The following AKNA variants were observed in gnomAD, a reference collection of about 807,000 sequenced individuals.
AKNA encodes the protein AT-hook transcription factor, also known as microtubule organization protein AKNA.
A neutral mutation model predicts 138.8 loss-of-function variants in AKNA; 67 were observed. That is an observed-to-expected ratio of 0.48 (90% CI 0.40 to 0.59). The LOEUF is 0.59. AKNA is among the 20% of genes least tolerant of loss of function. The pLI, the probability that AKNA is intolerant of heterozygous loss-of-function variation, is 0.00. For synonymous variants in AKNA, 737 were observed against 754.4 expected (o/e 0.98, Z 0.38); for missense variants, 1,813 against 1,880.4 (o/e 0.96, Z 0.66).
At chr9:114,394,979 C>T (rs1315001148), upstream of AKNA, among the ~76,000 whole-genome samples, 1 of 152,118 alleles carries the variant, frequency 6.6e-6, no homozygotes, top group Non-Finnish European at 1.5e-5. Flanking sequence ...AGAATGCTGG[C>T]AAGGACCTAG....
At chr9:114,346,096 T>C (rs2131816833) in intron 17 of AKNA, 87 bp from the exon 18 acceptor site, 1 of 1,351,228 alleles carries the variant, frequency 7.4e-7, no homozygotes, top group Non-Finnish European at 1.0e-6. Flanking sequence ...GTTTAGGCTC[T>C]GGGGTGGATG....
At chr9:114,364,102 C>A (rs573594217) in intron 7 of AKNA, among the ~76,000 whole-genome samples, 49 of 151,716 alleles carry the variant, frequency 3.2e-4, no homozygotes, top group African/African-American at 1.1e-3. Context: ...AAGAAAAGGC[C>A]TTTTTCTGCT....
intron 21 of AKNA, among the ~76,000 whole-genome samples, chr9:114,337,745 C>T (rs1486096142): frequency 6.6e-6 from 1 of 151,888 alleles, no homozygotes; most frequent in Non-Finnish European, 1.5e-5. Context: ...TTCCATTTGC[C>T]AAGCAAGGGG....
chr9:114,331,606 G>C, downstream of AKNA: 2 of 1,614,008 alleles, frequency 1.2e-6, no homozygotes, highest in East Asian at 2.2e-5. Context: ...CTGTTCCTTA[G>C]GGACACCAAG....
intron 11 of AKNA, among the ~76,000 whole-genome samples, chr9:114,358,732 C>CA (rs1473293370): frequency 1.3e-5 from 2 of 148,540 alleles, no homozygotes; most frequent in Non-Finnish European, 1.5e-5. Context: ...ATCACAAGGA[C>CA]AAAAAACCAA....
In AKNA at chr9:114,359,878, G is replaced by T. The variant is rs1287149997; in HGVS notation, c.2291+18C>A. ...AGCTGCTGGCCAGACACCCTGGTCA[G>T]GTCCAGGTGGCACTCACCGCTCCAT... On this transcript the variant is annotated intron_variant, in intron 10 of 21. Transcript: ENST00000374088. The T allele has an allele frequency of 6.2e-7, 1 of 1,614,118 alleles. No individual in the cohort carries two copies. Among genetic ancestry groups the T allele is most frequent in the African/African-American group, 1.3e-5 (1 of 74,934 alleles).
intron 1 of AKNA, among the ~76,000 whole-genome samples, chr9:114,386,574 T>TA (rs1834048205): frequency 6.6e-6 from 1 of 152,094 alleles, no homozygotes; most frequent in Admixed American, 6.5e-5. Flanking sequence ...TGGGGAGGGC[T>TA]ATGGAGTTCA....
At chr9:114,373,291 G>T (rs1414976308) in intron 4 of AKNA, among the ~76,000 whole-genome samples, 1 of 152,220 alleles carries the variant, frequency 6.6e-6, no homozygotes, top group African/African-American at 2.4e-5. Flanking sequence ...AAGACGGGGT[G>T]GGGGCTGGGG....
In AKNA at chr9:114,356,089, T is replaced by C. The variant is rs1564629647; in HGVS notation, c.2894A>G (p.Asp965Gly). Residue 965 changes from aspartate (D) to glycine (G), a missense_variant, in exon 14 of 22, where the codon GAT (aspartate) becomes GGT (glycine). Transcript: ENST00000374088. ...AQPFAASVPR[D>G]GASYPKARGS... is the part of the protein sequence containing the mutation. Reference sequence around the variant, plus strand: ...CCTGGCCTTGGGGTAGGAAGCTCCATCCCTGGGCACAGATGCAGCAAAGGG... The same window carrying C: ...CCTGGCCTTGGGGTAGGAAGCTCCACCCCTGGGCACAGATGCAGCAAAGGG... 1 of 1,613,962 alleles carries C rather than the reference T, an allele frequency of 6.2e-7. No individual in the cohort carries two copies. Among genetic ancestry groups the C allele is most frequent in the Non-Finnish European group, 8.5e-7 (1 of 1,180,016 alleles).
chr9:114,356,175 C>T (rs1831491501), intron 13 of AKNA, 39 bp from the exon 14 acceptor site: 1 of 1,570,676 alleles, frequency 6.4e-7, no homozygotes, highest in Non-Finnish European at 8.7e-7. Flanking sequence ...AGGGGTCACA[C>T]AGAGTGAGAC....
intron 2 of AKNA, among the ~76,000 whole-genome samples, chr9:114,378,870 T>C (rs1833432510): frequency 6.6e-6 from 1 of 152,188 alleles, no homozygotes; most frequent in African/African-American, 2.4e-5. Context: ...CAAAGTTTCA[T>C]GAGACATAGT....
Position 114,355,984 on chromosome 9 carries a change from C to T in AKNA, c.2999G>A (p.Gly1000Glu), listed in dbSNP as rs572081331. Residue 1000 changes from glycine to glutamate, a missense_variant, in exon 14 of 22, where the codon GGG (glycine) becomes GAG (glutamate). By Grantham distance (98) the Gly-to-Glu change is moderately conservative (BLOSUM62 -2). Coordinates refer to ENST00000374088, the MANE Select transcript of AKNA (RefSeq NM_001317950.2). Reference sequence around the variant, plus strand: ...GTTGGGTGCCCTCTGCCGGAGAGGCCCACTTGGGCTGGAGAGGTACCTCTG... The same window carrying T: ...GTTGGGTGCCCTCTGCCGGAGAGGCTCACTTGGGCTGGAGAGGTACCTCTG... ...QAQRYLSSPS[G>E]PLRQRAPNFS... The T allele has an allele frequency of 1.4e-5, 22 of 1,614,174 alleles. No individual in the cohort carries two copies. The East Asian group carries it at 4.2e-4, about 31-fold the overall frequency.
At chr9:114,338,713 G>T (rs1461953907) in intron 21 of AKNA, among the ~76,000 whole-genome samples, 1 of 152,170 alleles carries the variant, frequency 6.6e-6, no homozygotes, top group Non-Finnish European at 1.5e-5. Flanking sequence ...ACTTTGCAAG[G>T]CCTCTGTTTT....
downstream of AKNA, among the ~76,000 whole-genome samples, chr9:114,333,888 T>C (rs1829905285): frequency 1.3e-5 from 2 of 150,612 alleles, no homozygotes; most frequent in Admixed American, 1.3e-4. Flanking sequence ...CAGCCCCATG[T>C]GTTGGAGGCG....
intron 4 of AKNA, among the ~76,000 whole-genome samples, chr9:114,371,843 G>C (rs1400863477): frequency 6.6e-6 from 1 of 152,044 alleles, no homozygotes; most frequent in East Asian, 1.9e-4. Flanking sequence ...TGGCTCGGTG[G>C]GTTCTGAGGA....
At position 114,337,012 on chromosome 9, in the gene AKNA, T is replaced by TTGGGGGGGGGGGGGGGGGGGGGGGGGGG; in HGVS notation, c.*41_*42insCCCCCCCCCCCCCCCCCCCCCCCCCCCA. ...CCCACTCCTGGCCTGGCAGGCCACCTGCCCACCCACCCACCCATCTGCCTC... is the reference window on the plus strand; with the variant it reads ...CCCACTCCTGGCCTGGCAGGCCACCTTGGGGGGGGGGGGGGGGGGGGGGGGGGGGCCCACCCACCCACCCATCTGCCTC... On this transcript the variant is annotated 3_prime_UTR_variant, in exon 22 of 22. Transcript: ENST00000374088. 1 of 1,208,224 alleles carries TTGGGGGGGGGGGGGGGGGGGGGGGGGGG rather than the reference T, an allele frequency of 8.3e-7. No individual in the cohort carries two copies. Among genetic ancestry groups the TTGGGGGGGGGGGGGGGGGGGGGGGGGGG allele is most frequent in the African/African-American group, 1.6e-5 (1 of 63,502 alleles). 74.8% of individuals were successfully genotyped at this position (1,208,224 alleles called of 1,614,324 possible).
chr9:114,363,062 C>T (rs1164366581), intron 7 of AKNA, among the ~76,000 whole-genome samples: 1 of 152,196 alleles, frequency 6.6e-6, no homozygotes, highest in African/African-American at 2.4e-5. Flanking sequence ...AAGCACTTTG[C>T]ATTTATTTAA....
At position 114,368,547 on chromosome 9, in the gene AKNA, C is replaced by T. The variant is rs1832542241; in HGVS notation, c.1465G>A (p.Gly489Arg). 3 of 1,395,032 alleles carry T rather than the reference C, an allele frequency of 2.2e-6. No homozygotes were observed. Among genetic ancestry groups the T allele is most frequent in the Non-Finnish European group, 1.9e-6 (2 of 1,068,230 alleles). 86.4% of individuals were successfully genotyped at this position (1,395,032 alleles called of 1,614,324 possible). ...PPQPNHSIHT[G>R]MVPQGTKVLS... ...ACCTTGGTCCCCTGGGGCACCATTC[C>T]CGTGTGGATGCTGTGGTTGGGCTGG... The change falls in exon 5 of 22, where the codon GGA (glycine) becomes AGA (arginine). Residue 489 changes from glycine (G) to arginine (R), a missense_variant. Gly to Arg is a moderately radical substitution (Grantham distance 125, BLOSUM62 -2). Transcript: ENST00000374088.
chr9:114,340,981 G>C (rs898460120), intron 21 of AKNA, among the ~76,000 whole-genome samples: 8 of 152,138 alleles, frequency 5.3e-5, no homozygotes, highest in African/African-American at 1.9e-4. Context: ...AAGGAACTAC[G>C]AACTTCAGTT....
Sources: allele counts gnomAD v4.1 joint callset (sites outside exome capture counted in the v4.1 genomes callset), GRCh38; gene constraint gnomAD v4.1.1; transcripts MANE v1.5; gene names NCBI Gene and HGNC (gene_info 2026-07-23, HGNC 2026-07-21).